Variants in NETO2 observed in about 807,000 individuals in gnomAD.
NETO2 encodes neuropilin and tolloid-like protein 2.
In NETO2, 28 loss-of-function variants were observed where a neutral mutation model predicts 62.5. The observed-to-expected ratio is 0.45, with a 90% CI of 0.33 to 0.61. The LOEUF is 0.61. Ranked by LOEUF, NETO2 falls within the 20% of genes least tolerant of loss-of-function variation. NETO2 has a pLI of 0.02. For synonymous variants in NETO2, 214 were observed against 219.1 expected (o/e 0.98, Z 0.21); for missense variants, 548 against 643.2 (o/e 0.85, Z 1.60).
At chr16:47,126,453 C>T (rs978441898) in intron 4 of NETO2, among the ~76,000 whole-genome samples, 2 of 152,088 alleles carry the variant, frequency 1.3e-5, no homozygotes, top group African/African-American at 4.8e-5. Flanking sequence ...AAGAGATCAG[C>T]GATTGCCAGT....
At chr16:47,084,897 C>A (rs181310826) in intron 8 of NETO2, among the ~76,000 whole-genome samples, 39 of 152,198 alleles carry the variant, frequency 2.6e-4, no homozygotes, top group African/African-American at 8.9e-4. Flanking sequence ...TTATATATTA[C>A]AATGTAATAA....
At chr16:47,097,864 A>G (rs115367667) in intron 7 of NETO2, among the ~76,000 whole-genome samples, 2,692 of 152,280 alleles carry the variant, frequency 0.018, 86 homozygotes, top group African/African-American at 0.061. Context: ...AGCCTCCACT[A>G]GTGATACACA....
intron 7 of NETO2, among the ~76,000 whole-genome samples, chr16:47,098,844 C>T (rs565862226): frequency 6.6e-6 from 1 of 151,888 alleles, no homozygotes; most frequent in Non-Finnish European, 1.5e-5. Flanking sequence ...AGAAACCCTA[C>T]AAGCCACAAG....
intron 7 of NETO2, among the ~76,000 whole-genome samples, chr16:47,089,239 A>G (rs1963261773): frequency 6.6e-6 from 1 of 152,184 alleles, no homozygotes; most frequent in South Asian, 2.1e-4. Flanking sequence ...GACATGACTG[A>G]AGAGTCCACA....
At chr16:47,092,857 T>C (rs142103164) in intron 7 of NETO2, among the ~76,000 whole-genome samples, 8 of 152,176 alleles carry the variant, frequency 5.3e-5, no homozygotes, top group Admixed American at 3.9e-4. Flanking sequence ...AACATGACAC[T>C]TTCCCCATCT....
chr16:47,101,003 G>C (rs1963529434), intron 7 of NETO2, among the ~76,000 whole-genome samples: 1 of 152,084 alleles, frequency 6.6e-6, no homozygotes, highest in Non-Finnish European at 1.5e-5. Flanking sequence ...CAACAAAAAA[G>C]AAAATTTCAG....
chr16:47,103,940 G>A (rs979793884), intron 7 of NETO2, among the ~76,000 whole-genome samples: 5 of 152,130 alleles, frequency 3.3e-5, no homozygotes, highest in African/African-American at 1.2e-4. Context: ...AGTAGTGAAG[G>A]ACAGAGCTCC....
intron 1 of NETO2, among the ~76,000 whole-genome samples, chr16:47,132,300 T>TA (rs752562207): frequency 0.022 from 3,199 of 142,858 alleles, 35 homozygotes; most frequent in African/African-American, 0.034. Context: ...TAGTTTTGTT[T>TA]AAAAAAAAAA....
chr16:47,083,523 G>C lies in NETO2; in HGVS notation c.1276C>G (p.Arg426Gly), dbSNP rs772817589. 1.2e-6 allele frequency: 2 copies of C among 1,614,184 alleles called. No individual in the cohort carries two copies. Among genetic ancestry groups the C allele is most frequent in the South Asian group, 1.1e-5 (1 of 91,086 alleles). ...SEELDNYQKM[R>G]RSSTASRCIH... ...CAGCGGGAGGCGGTGGAGGAGCGCCGCATCTTCTGGTAGTTGTCCAATTCT... is the reference window on the plus strand; with the variant it reads ...CAGCGGGAGGCGGTGGAGGAGCGCCCCATCTTCTGGTAGTTGTCCAATTCT... The change falls in exon 9 of 9, where the codon CGG becomes GGG. Residue 426 changes from arginine (R) to glycine (G), a missense_variant. Physicochemically the swap from Arg to Gly is moderately radical, Grantham distance 125 (BLOSUM62 -2). Coordinates refer to ENST00000562435, the MANE Select transcript of NETO2 (RefSeq NM_018092.5).
chr16:47,137,609 C>T (rs1367780840), intron 1 of NETO2, among the ~76,000 whole-genome samples: 1 of 152,210 alleles, frequency 6.6e-6, no homozygotes, highest in Non-Finnish European at 1.5e-5. Context: ...AACATCTGCA[C>T]TTGCCAGGGA....
intron 1 of NETO2, among the ~76,000 whole-genome samples, chr16:47,143,275 A>G (rs1193336301): frequency 6.6e-6 from 1 of 152,126 alleles, no homozygotes; most frequent in African/African-American, 2.4e-5. Flanking sequence ...GCGAGGGCGC[A>G]GCCCGGAGGG....
chr16:47,140,517 C>A (rs1206212462), intron 1 of NETO2, among the ~76,000 whole-genome samples: 1 of 152,124 alleles, frequency 6.6e-6, no homozygotes, highest in Non-Finnish European at 1.5e-5. Flanking sequence ...TTTTGTCATG[C>A]AGGGTTTTTC....
chr16:47,109,760 G>A (rs963286867), intron 6 of NETO2, 49 bp from the exon 7 acceptor site: 8 of 1,339,384 alleles, frequency 6.0e-6, no homozygotes, highest in Non-Finnish European at 7.4e-6. Flanking sequence ...ATATTAATTT[G>A]AATTTTTCTA....
intron 1 of NETO2, among the ~76,000 whole-genome samples, chr16:47,141,834 C>CA (rs1198976353): frequency 3.3e-5 from 5 of 152,218 alleles, no homozygotes; most frequent in Non-Finnish European, 1.5e-5. Flanking sequence ...AAAGGTACAA[C>CA]ACTCAACGCT....
chr16:47,091,715 C>T (rs543525700), intron 7 of NETO2, among the ~76,000 whole-genome samples: 1 of 152,278 alleles, frequency 6.6e-6, no homozygotes, highest in South Asian at 2.1e-4. Flanking sequence ...TGCTTTCCTG[C>T]TAAGAGTCTG....
At position 47,143,445 on chromosome 16, in the gene NETO2, A is replaced by G. The variant is rs1190794357; in HGVS notation, c.34+134T>C. The stretch of plus-strand genomic sequence containing the variant: ...TCGCGCCCCGCGGTCCGCTCCGAGT[A>G]GCCGCGAGCCCCGCCAGACAAAGAG... On this transcript the variant is annotated intron_variant, in intron 1 of 8. Coordinates refer to ENST00000562435, the MANE Select transcript of NETO2 (RefSeq NM_018092.5). 1.3e-5 allele frequency: 14 copies of G among 1,078,026 alleles called. No homozygotes were observed. The South Asian group carries it at 5.2e-4, about 40-fold the overall frequency. The allele number at this position is 1,078,026 out of a possible 1,614,324, so 66.8% of individuals were successfully genotyped here. A position where few individuals can be genotyped will look rare whatever the true frequency, so the allele number is the denominator to read the frequency against.
chr16:47,134,140 C>T (rs1268245434), intron 1 of NETO2, among the ~76,000 whole-genome samples: 1 of 152,146 alleles, frequency 6.6e-6, no homozygotes, highest in East Asian at 1.9e-4. Flanking sequence ...ACAGTTACCA[C>T]TGTTCACTCA....
In NETO2 at chr16:47,082,618, C is replaced by T. The variant is rs775477347; in HGVS notation, c.*603G>A. ...GCCCAGTAATTAAAAGGCAGAAGTA[C>T]AGAGATTAGCCAAGAAGAAACAGAT... On this transcript the variant is annotated 3_prime_UTR_variant, in exon 9 of 9. Coordinates refer to ENST00000562435, the MANE Select transcript of NETO2 (RefSeq NM_018092.5). The T allele has an allele frequency of 2.0e-5, 3 of 152,012 alleles. No individual in the cohort carries two copies. Among genetic ancestry groups the T allele is most frequent in the African/African-American group, 4.8e-5 (2 of 41,394 alleles). 9.4% of individuals were successfully genotyped at this position (152,012 alleles called of 1,614,324 possible).
At chr16:47,121,991 G>C (rs1964049120) in intron 6 of NETO2, among the ~76,000 whole-genome samples, 1 of 152,060 alleles carries the variant, frequency 6.6e-6, no homozygotes, top group Admixed American at 6.6e-5. Flanking sequence ...CTTTAAATCT[G>C]ATTTTCATGA....
Sources: gnomAD v4.1 joint callset for allele counts (sites outside exome capture counted in the v4.1 genomes callset) on GRCh38, gnomAD v4.1.1 for gene constraint, MANE v1.5 for transcripts, NCBI Gene and HGNC (gene_info 2026-07-23, HGNC 2026-07-21) for gene names.